The following ITGA9 variants were observed in gnomAD, a reference collection of about 807,000 sequenced individuals.
ITGA9 encodes the protein integrin alpha-9.
Under a neutral mutation model 127.8 loss-of-function variants are expected in ITGA9, and 56 were observed. The ratio of observed to expected loss-of-function variants is 0.44; its 90% confidence interval spans 0.35 to 0.55. The LOEUF (loss-of-function observed/expected upper bound fraction) is 0.55, where lower values mean the gene tolerates loss of function less well. Ranked by LOEUF, ITGA9 falls within the 20% of genes least tolerant of loss-of-function variation. ITGA9 has a pLI of 0.00. For synonymous variants in ITGA9, 508 were observed against 514.5 expected (o/e 0.99, Z 0.17); for missense variants, 1,196 against 1,347.1 (o/e 0.89, Z 1.76).
chr3:37,479,649 G>T (rs1468301976), intron 3 of ITGA9, among the ~76,000 whole-genome samples: 1 of 152,192 alleles, frequency 6.6e-6, no homozygotes, highest in Non-Finnish European at 1.5e-5. Flanking sequence ...TGTGGCAGGG[G>T]GGCTGTAAAG....
At chr3:37,557,953 A>C (rs1699446882) in intron 15 of ITGA9, among the ~76,000 whole-genome samples, 1 of 152,238 alleles carries the variant, frequency 6.6e-6, no homozygotes, top group Non-Finnish European at 1.5e-5. Flanking sequence ...CTTTGAATGC[A>C]AAAGATGATG....
intron 1 of ITGA9, among the ~76,000 whole-genome samples, chr3:37,470,505 T>G (rs1035709761): frequency 6.6e-6 from 1 of 152,246 alleles, no homozygotes; most frequent in African/African-American, 2.4e-5. Flanking sequence ...TTGTGAAGTA[T>G]CTATGCTTGT....
intron 1 of ITGA9, among the ~76,000 whole-genome samples, chr3:37,464,951 G>A (rs771247543): frequency 4.6e-5 from 7 of 152,026 alleles, no homozygotes; most frequent in Admixed American, 1.3e-4. Flanking sequence ...TAAGGGATGC[G>A]GACAATTCCT....
At chr3:37,520,241 A>G (rs1313887473) in intron 11 of ITGA9, among the ~76,000 whole-genome samples, 1 of 152,138 alleles carries the variant, frequency 6.6e-6, no homozygotes, top group African/African-American at 2.4e-5. Flanking sequence ...TCCCCTCTCT[A>G]CTGGCCTCCT....
intron 15 of ITGA9, among the ~76,000 whole-genome samples, chr3:37,621,648 A>ATTT (rs1700129991): frequency 1.3e-5 from 2 of 152,256 alleles, no homozygotes; most frequent in African/African-American, 4.8e-5. Context: ...TTTGAAGAGA[A>ATTT]AAAAGCATCA....
intron 17 of ITGA9, among the ~76,000 whole-genome samples, chr3:37,660,835 G>T (rs911677166): frequency 6.6e-6 from 1 of 152,192 alleles, no homozygotes; most frequent in Non-Finnish European, 1.5e-5. Flanking sequence ...TTCTAGGCTT[G>T]GGTGACACCA....
intron 17 of ITGA9, among the ~76,000 whole-genome samples, chr3:37,676,135 T>A (rs1450108537): frequency 6.6e-6 from 1 of 152,210 alleles, no homozygotes; most frequent in East Asian, 1.9e-4. Flanking sequence ...CATTAAAGAT[T>A]TATCACAAAT....
chr3:37,506,106 A>G, intron 7 of ITGA9, 21 bp downstream of exon 7: 1 of 1,551,690 alleles, frequency 6.4e-7, no homozygotes, highest in South Asian at 1.2e-5. Context: ...ACATCTGTGG[A>G]ATAGCTGGGG....
At chr3:37,778,772 G>A (rs1696938370) in intron 24 of ITGA9, among the ~76,000 whole-genome samples, 1 of 151,362 alleles carries the variant, frequency 6.6e-6, no homozygotes. Flanking sequence ...ATTTCTCTAA[G>A]CTCCTTATTT....
At chr3:37,569,602 A>G (rs1699581152) in intron 15 of ITGA9, among the ~76,000 whole-genome samples, 1 of 152,216 alleles carries the variant, frequency 6.6e-6, no homozygotes, top group African/African-American at 2.4e-5. Context: ...TGTTGACAGA[A>G]TGTTGGTACA....
At chr3:37,510,648 G>A (rs537807673) in intron 8 of ITGA9, among the ~76,000 whole-genome samples, 4 of 152,278 alleles carry the variant, frequency 2.6e-5, no homozygotes, top group African/African-American at 7.2e-5. Context: ...ACAGGTTCAG[G>A]CCTGAATGTC....
At chr3:37,495,137 G>T (rs1301732474) in intron 5 of ITGA9, among the ~76,000 whole-genome samples, 1 of 152,126 alleles carries the variant, frequency 6.6e-6, no homozygotes, top group Non-Finnish European at 1.5e-5. Flanking sequence ...ATTTTTAGTA[G>T]AGACGGGGTT....
chr3:37,659,178 T>G (rs56280833), intron 17 of ITGA9, among the ~76,000 whole-genome samples: 5,376 of 152,124 alleles, frequency 0.035, 142 homozygotes, highest in Non-Finnish European at 0.053. Context: ...TCCTGAGGAG[T>G]ATCTCTGTAG....
rs1341596549 is a variant in ITGA9, at chr3:37,614,283, G to A, written c.1690-14904G>A. On this transcript the variant is annotated intron_variant, in intron 15 of 27. Transcript: ENST00000264741. The stretch of plus-strand genomic sequence containing the variant: ...AAAGATCAGATAGTTGTAGATATGC[G>A]GCATTATTTCTGAGGGCTCTGTTCT... 7.6e-3 allele frequency among the ~76,000 whole-genome samples: 1,149 copies of A among 151,818 alleles called. 3 individuals carry two copies. Among genetic ancestry groups the A allele is most frequent in the Middle Eastern group, 0.014 (4 of 294 alleles).
rs879838996 is a variant in ITGA9, at chr3:37,786,615, C to CA, written c.2889+1550dup. 7.4e-3 allele frequency among the ~76,000 whole-genome samples: 436 copies of CA among 59,280 alleles called. 1 individual carries two copies. Among genetic ancestry groups the CA allele is most frequent in the East Asian group, 0.027 (42 of 1,584 alleles). 38.9% of individuals were successfully genotyped at this position (59,280 alleles called of 152,430 possible). The stretch of plus-strand genomic sequence containing the variant: ...CTCAAAAAAACAAAAAACAAACAAA[C>CA]AAAAAAAAAAAAACCAATAGTAATA... On this transcript the variant is annotated intron_variant, in intron 26 of 27. Transcript: ENST00000264741.
At chr3:37,484,911 G>T (rs1259333356) in intron 4 of ITGA9, among the ~76,000 whole-genome samples, 6 of 152,154 alleles carry the variant, frequency 3.9e-5, no homozygotes, top group African/African-American at 1.4e-4. Context: ...ATACTAATAT[G>T]CCATGTACAA....
intron 18 of ITGA9, among the ~76,000 whole-genome samples, chr3:37,729,314 CT>C (rs1696257855): frequency 6.6e-6 from 1 of 152,234 alleles, no homozygotes; most frequent in African/African-American, 2.4e-5. Flanking sequence ...CATGACATCC[CT>C]TCCTGTAACA....
At chr3:37,641,269 G>T (rs978905840) in intron 16 of ITGA9, among the ~76,000 whole-genome samples, 1 of 152,170 alleles carries the variant, frequency 6.6e-6, no homozygotes, top group South Asian at 2.1e-4. Flanking sequence ...ACATGTGAGG[G>T]ATCTAGATTG....
At chr3:37,519,597 C>A (rs1267037441) in intron 11 of ITGA9, among the ~76,000 whole-genome samples, 2 of 152,244 alleles carry the variant, frequency 1.3e-5, no homozygotes, top group African/African-American at 4.8e-5. Flanking sequence ...TAATTTTCAA[C>A]TCTTACTCAG....
Sources: gnomAD v4.1 joint callset for allele counts (sites outside exome capture counted in the v4.1 genomes callset) on GRCh38, gnomAD v4.1.1 for gene constraint, MANE v1.5 for transcripts, NCBI Gene and HGNC (gene_info 2026-07-23, HGNC 2026-07-21) for gene names.